The following EIF3L variants were observed in gnomAD, a reference collection of about 807,000 sequenced individuals.
The protein encoded by EIF3L is eIEF associated protein HSPC021.
Under a neutral mutation model 74.6 loss-of-function variants are expected in EIF3L, and 32 were observed. The observed-to-expected ratio is 0.43, with a 90% confidence interval of 0.32 to 0.58. EIF3L has a LOEUF of 0.58. EIF3L is among the 20% of genes least tolerant of loss of function. The probability of loss-of-function intolerance (pLI) is 0.06; values close to 1 mark genes in which losing one functional copy is unlikely to be tolerated. For synonymous variants in EIF3L, 256 were observed against 254.4 expected (o/e 1.01, Z -0.06); for missense variants, 474 against 707.8 (o/e 0.67, Z 3.75).
At position 37,849,996 on chromosome 22, in the gene EIF3L, T is replaced by G; in HGVS notation, c.34-19T>G. The stretch of plus-strand genomic sequence containing the variant: ...TCACGACTTGGCGGCTGTCCTTGAC[T>G]GTGTCTCTTTCCTTCTAGGCGGCTT... On this transcript the variant is annotated intron_variant, in intron 1 of 12. Transcript: ENST00000652021. The G allele has an allele frequency of 6.2e-7, 1 of 1,613,664 alleles. No individual in the cohort carries two copies. The highest frequency in any genetic ancestry group is 8.5e-7 in the Non-Finnish European group (1 of 1,179,712).
At position 37,864,635 on chromosome 22, in the gene EIF3L, T is replaced by C. The variant is rs539839558; in HGVS notation, c.579+1290T>C. On this transcript the variant is annotated intron_variant, in intron 7 of 12. Coordinates refer to ENST00000652021, the MANE Select transcript of EIF3L (RefSeq NM_016091.4). ...CTCACTGCAACCTCTGCCTCCCGGG[T>C]TCAAGCGATTCTCTTGTCTCAGCCT... Among the ~76,000 whole-genome samples, 44 of 150,578 alleles carry C rather than the reference T, an allele frequency of 2.9e-4. No homozygotes were observed. In the South Asian group the frequency reaches 9.3e-3, roughly 32 times the overall value.
At chr22:37,876,691 G>A (rs532325537) in intron 10 of EIF3L, 1 of 84,286 alleles carries the variant, frequency 1.2e-5, no homozygotes, top group African/African-American at 2.9e-5. Context: ...ATAAGGACTT[G>A]ATGATAATAT....
chr22:37,851,505 C>G lies in EIF3L; in HGVS notation c.293+15C>G. On this transcript the variant is annotated intron_variant, in intron 3 of 12. Transcript: ENST00000652021. Reference sequence around the variant, plus strand: ...TATGAGAACAGGTATGGGCTACTGGCTGAAAGGGCCTCTTTCTGGGTGGGA... The same window carrying G: ...TATGAGAACAGGTATGGGCTACTGGGTGAAAGGGCCTCTTTCTGGGTGGGA... 1 of 1,567,472 alleles carries G rather than the reference C, an allele frequency of 6.4e-7. No homozygotes were observed. Among genetic ancestry groups the G allele is most frequent in the Non-Finnish European group, 8.7e-7 (1 of 1,154,804 alleles).
At chr22:37,854,028 C>T (rs1022319451) in intron 3 of EIF3L, among the ~76,000 whole-genome samples, 4 of 152,178 alleles carry the variant, frequency 2.6e-5, no homozygotes, top group Non-Finnish European at 5.9e-5. Context: ...GGGCAGTGCC[C>T]GCAGATACAG....
chr22:37,878,203 A>G (rs767895410), intron 11 of EIF3L, 32 bp downstream of exon 11: 19 of 1,557,326 alleles, frequency 1.2e-5, no homozygotes, highest in Non-Finnish European at 1.5e-5. Flanking sequence ...GGGGTCTTGT[A>G]TTAAGTGTTC....
At chr22:37,853,800 A>G (rs1925355316) in intron 3 of EIF3L, among the ~76,000 whole-genome samples, 1 of 152,130 alleles carries the variant, frequency 6.6e-6, no homozygotes, top group Admixed American at 6.5e-5. Context: ...TATCAGAAAT[A>G]CTTGCTTTGT....
intron 4 of EIF3L, among the ~76,000 whole-genome samples, chr22:37,856,049 T>TTTA (rs902465576): frequency 6.7e-4 from 18 of 26,698 alleles, no homozygotes; most frequent in South Asian, 6.3e-3. Context: ...TATTTATTTA[T>TTTA]TTTATTTTAT....
At chr22:37,865,244 T>A (rs1007259419) in intron 7 of EIF3L, among the ~76,000 whole-genome samples, 1 of 151,952 alleles carries the variant, frequency 6.6e-6, no homozygotes, top group Non-Finnish European at 1.5e-5. Context: ...GGTGGGCAGA[T>A]CACGAGGTCT....
In EIF3L at chr22:37,870,975, T is replaced by C. The variant is rs560352555; in HGVS notation, c.751+628T>C. On this transcript the variant is annotated intron_variant, in intron 8 of 12. Coordinates refer to ENST00000652021, the MANE Select transcript of EIF3L (RefSeq NM_016091.4). ...CTTTGTCTCAAAAAAAATGTTTAAA[T>C]TGACTGAGCATGGTGGGTGGGGTGC... Among the ~76,000 whole-genome samples, 3 of 152,086 alleles carry C rather than the reference T, an allele frequency of 2.0e-5. 1 individual carries two copies. The South Asian group carries it at 6.2e-4, about 32-fold the overall frequency.
chr22:37,857,751 T>G (rs2145804448), intron 4 of EIF3L, among the ~76,000 whole-genome samples: 1 of 151,992 alleles, frequency 6.6e-6, no homozygotes, highest in African/African-American at 2.4e-5. Context: ...CCAGGCTGAT[T>G]TTGAACTCCT....
chr22:37,868,410 C>T (rs890939244), intron 7 of EIF3L, among the ~76,000 whole-genome samples: 14 of 150,862 alleles, frequency 9.3e-5, no homozygotes, highest in African/African-American at 2.7e-4. Flanking sequence ...CAGGTGTAAG[C>T]GCCACCGCAC....
intron 8 of EIF3L, among the ~76,000 whole-genome samples, chr22:37,871,730 C>G (rs1436401182): frequency 1.3e-5 from 2 of 151,770 alleles, no homozygotes; most frequent in African/African-American, 4.8e-5. Context: ...TTAGCCGGGC[C>G]TGGTGGTGGG....
chr22:37,849,449 C>G lies in EIF3L; in HGVS notation c.-1C>G, dbSNP rs201164529. On this transcript the variant is annotated 5_prime_UTR_variant, in exon 1 of 13. Coordinates refer to ENST00000652021, the MANE Select transcript of EIF3L (RefSeq NM_016091.4). ...CGGCGGTGCTCGCAAGCGAGGCAGC[C>G]ATGTCTTATCCCGCTGATGATTATG... 88 of 1,613,420 alleles carry G rather than the reference C, an allele frequency of 5.5e-5. No individual in the cohort carries two copies. The highest frequency in any genetic ancestry group is 7.0e-5 in the Non-Finnish European group (83 of 1,179,732).
intron 5 of EIF3L, among the ~76,000 whole-genome samples, chr22:37,862,442 T>C (rs1377261377): frequency 6.6e-6 from 1 of 152,232 alleles, no homozygotes; most frequent in African/African-American, 2.4e-5. Flanking sequence ...GCTATGTCTT[T>C]GTGGCAGTTA....
intron 11 of EIF3L, chr22:37,886,346 A>G (rs925147501): frequency 6.5e-6 from 1 of 152,926 alleles, no homozygotes; most frequent in African/African-American, 2.4e-5. Context: ...AGGCGAGTGG[A>G]TCACCTGAGG....
Position 37,870,286 on chromosome 22 carries a change from C to T in EIF3L, c.690C>T (p.Val230=). The change falls in exon 8 of 13, where the codon GTC becomes GTT. Residue 230 remains valine, a synonymous_variant. Transcript: ENST00000652021. ...GGAATGTTCATAGTGTCCTCAATGTCCTTCATTCCCTGGTAGACAAATCCA... is the reference window on the plus strand; with the variant it reads ...GGAATGTTCATAGTGTCCTCAATGTTCTTCATTCCCTGGTAGACAAATCCA... The part of the protein sequence containing the change: ...KIWNVHSVLN[V]LHSLVDKSNI... 1 of 1,613,890 alleles carries T rather than the reference C, an allele frequency of 6.2e-7. No individual in the cohort carries two copies. The highest frequency in any genetic ancestry group is 8.5e-7 in the Non-Finnish European group (1 of 1,179,908).
rs368331126 is a variant in EIF3L at position 37,859,374 on chromosome 22, C to T, written c.435+634C>T. Among the ~76,000 whole-genome samples, 629 of 79,016 alleles carry T rather than the reference C, an allele frequency of 8.0e-3. 4 individuals carry two copies. The highest frequency in any genetic ancestry group is 0.011 in the African/African-American group (200 of 17,622). The allele number at this position is 79,016 out of a possible 152,430, so 51.8% of individuals were successfully genotyped here. On this transcript the variant is annotated intron_variant, in intron 5 of 12. Coordinates refer to ENST00000652021, the MANE Select transcript of EIF3L (RefSeq NM_016091.4). ...CTAAATTATAGAGTACGTGAAGTTT[C>T]TTTTTTTTTTTTTTTTTTTTTGAGA...
intron 12 of EIF3L, chr22:37,888,172 T>C: frequency 2.4e-6 from 1 of 411,472 alleles, no homozygotes; most frequent in Non-Finnish European, 4.3e-6. Flanking sequence ...GAATCCTTTT[T>C]CTGTCAGATG....
Position 37,849,888 on chromosome 22 carries a change from C to G in EIF3L, c.34-127C>G, listed in dbSNP as rs140880801. ...TTTTCTCTAAGGCGTGTGAGTTCCT[C>G]AAAGGCAGGCACAGTGTCTTATTCG... On this transcript the variant is annotated intron_variant, in intron 1 of 12. Transcript: ENST00000652021. 23 of 1,010,506 alleles carry G rather than the reference C, an allele frequency of 2.3e-5. No individual in the cohort carries two copies. The African/African-American group carries it at 3.3e-4, about 15-fold the overall frequency. The allele number at this position is 1,010,506 out of a possible 1,614,324, so 62.6% of individuals were successfully genotyped here.
Sources: allele counts gnomAD v4.1 joint callset (sites outside exome capture counted in the v4.1 genomes callset), GRCh38; gene constraint gnomAD v4.1.1; transcripts MANE v1.5; gene names NCBI Gene and HGNC (gene_info 2026-07-23, HGNC 2026-07-21).